The following TANGO6 variants were observed in gnomAD, a reference collection of about 807,000 sequenced individuals.
The protein encoded by TANGO6 is transport and Golgi organization protein 6 homolog.
Under a neutral mutation model 114.2 loss-of-function variants are expected in TANGO6, and 90 were observed. That is an observed-to-expected ratio of 0.79 (90% CI 0.66 to 0.94). The LOEUF (loss-of-function observed/expected upper bound fraction) is 0.94. Ranked by LOEUF, TANGO6 falls within the 40% of genes least tolerant of loss-of-function variation. TANGO6 has a pLI of 0.00. For synonymous variants in TANGO6, 477 were observed against 509.8 expected (o/e 0.94, Z 0.87); for missense variants, 1,274 against 1,315.3 (o/e 0.97, Z 0.49).
At chr16:69,015,244 C>T (rs1454754812) in intron 15 of TANGO6, among the ~76,000 whole-genome samples, 3 of 152,080 alleles carry the variant, frequency 2.0e-5, no homozygotes, top group Non-Finnish European at 2.9e-5. Flanking sequence ...TCTCGGAGAA[C>T]GTGGAGGCAG....
intron 14 of TANGO6, among the ~76,000 whole-genome samples, chr16:68,940,267 G>A (rs1296418925): frequency 6.7e-6 from 1 of 149,634 alleles, no homozygotes; most frequent in Admixed American, 6.8e-5. Flanking sequence ...ACCAAGGCTG[G>A]TCTCAAACTC....
rs535229852 is a variant in TANGO6 at position 69,082,711 on chromosome 16, C to T, written c.3109-774C>T. Among the ~76,000 whole-genome samples the T allele has an allele frequency of 2.0e-5, 3 of 152,092 alleles. No individual in the cohort carries two copies. The South Asian group carries it at 6.2e-4, about 32-fold the overall frequency. On this transcript the variant is annotated intron_variant, in intron 17 of 17. Coordinates refer to ENST00000261778, the MANE Select transcript of TANGO6 (RefSeq NM_024562.2). ...AGTGAGCCGAGATTGTGCAACTGCA[C>T]TCCAGCCTGGCAACAGAGTGAGACT... is the stretch of plus-strand genomic sequence containing the variant.
chr16:69,022,585 TC>T (rs1245155288), intron 15 of TANGO6, among the ~76,000 whole-genome samples: 2 of 151,812 alleles, frequency 1.3e-5, no homozygotes, highest in Admixed American at 6.6e-5. Context: ...GCACCTGTAG[TC>T]CCAACTACTT....
At chr16:69,036,042 CAA>C (rs977745987) in intron 16 of TANGO6, 33 of 56,646 alleles carry the variant, frequency 5.8e-4, no homozygotes, top group East Asian at 5.9e-4. Context: ...GACTCTGCCT[CAA>C]AAAAAAAAAA....
intron 16 of TANGO6, among the ~76,000 whole-genome samples, chr16:69,038,303 G>A (rs1018555050): frequency 3.3e-5 from 5 of 151,946 alleles, no homozygotes; most frequent in Middle Eastern, 3.2e-3. Context: ...GGTGACACGC[G>A]CCTGTAGTCC....
At chr16:69,022,467 G>A (rs186342145) in intron 15 of TANGO6, among the ~76,000 whole-genome samples, 1 of 152,270 alleles carries the variant, frequency 6.6e-6, no homozygotes, top group Non-Finnish European at 1.5e-5. Flanking sequence ...ACTTTGGGAG[G>A]CCAAGGCAGA....
chr16:69,021,524 G>A (rs1400996914), intron 15 of TANGO6, among the ~76,000 whole-genome samples: 13 of 151,960 alleles, frequency 8.6e-5, no homozygotes, highest in Admixed American at 8.5e-4. Flanking sequence ...ATTTACACTA[G>A]AATATAAGCC....
At chr16:69,036,368 T>C (rs1454728867) in intron 16 of TANGO6, among the ~76,000 whole-genome samples, 1 of 152,184 alleles carries the variant, frequency 6.6e-6, no homozygotes, top group African/African-American at 2.4e-5. Flanking sequence ...TTAGATGATA[T>C]CCGTAAGACC....
chr16:69,044,378 G>A (rs552933275), intron 17 of TANGO6, among the ~76,000 whole-genome samples: 2 of 152,246 alleles, frequency 1.3e-5, no homozygotes, highest in East Asian at 1.9e-4. Context: ...ACTCACGCCT[G>A]TAATCCCAGC....
At chr16:69,012,329 G>A (rs1352726026) in intron 15 of TANGO6, among the ~76,000 whole-genome samples, 1 of 152,098 alleles carries the variant, frequency 6.6e-6, no homozygotes, top group Non-Finnish European at 1.5e-5. Flanking sequence ...GGCCGAGGTG[G>A]TCGGATCACC....
intron 14 of TANGO6, among the ~76,000 whole-genome samples, chr16:68,947,050 A>G (rs917759731): frequency 6.6e-6 from 1 of 152,200 alleles, no homozygotes; most frequent in African/African-American, 2.4e-5. Flanking sequence ...AAATAATTTG[A>G]ACCATGTTCT....
chr16:68,849,455 A>G (rs1961866530), intron 1 of TANGO6, among the ~76,000 whole-genome samples: 3 of 152,196 alleles, frequency 2.0e-5, no homozygotes, highest in African/African-American at 4.8e-5. Context: ...TGGGCTACAT[A>G]GTAAAACACT....
chr16:68,932,711 A>G (rs960461359), intron 14 of TANGO6, among the ~76,000 whole-genome samples: 1 of 151,926 alleles, frequency 6.6e-6, no homozygotes, highest in Non-Finnish European at 1.5e-5. Context: ...AATTGCCTGA[A>G]CCCAGGAGGC....
intron 17 of TANGO6, among the ~76,000 whole-genome samples, chr16:69,073,936 G>C (rs1468306150): frequency 6.6e-6 from 1 of 151,916 alleles, no homozygotes; most frequent in East Asian, 1.9e-4. Flanking sequence ...TCCAGCCTGG[G>C]GGGCACAGAG....
chr16:68,971,992 A>G (rs1963710195), intron 14 of TANGO6, among the ~76,000 whole-genome samples: 1 of 152,030 alleles, frequency 6.6e-6, no homozygotes, highest in African/African-American at 2.4e-5. Context: ...ACCTCCAAGG[A>G]CTTCTTCATC....
At chr16:68,939,577 ATTT>A (rs576027928) in intron 14 of TANGO6, among the ~76,000 whole-genome samples, 8,158 of 137,476 alleles carry the variant, frequency 0.059, 292 homozygotes, top group Non-Finnish European at 0.082. Flanking sequence ...ACTAAAAGGA[ATTT>A]TTTTTTTTTT....
intron 14 of TANGO6, among the ~76,000 whole-genome samples, chr16:68,947,341 C>T (rs1963424238): frequency 6.6e-6 from 1 of 151,878 alleles, no homozygotes; most frequent in South Asian, 2.1e-4. Context: ...ACAATCCCAG[C>T]TACTCAGGAG....
chr16:68,942,839 C>G (rs1317688352), intron 14 of TANGO6, among the ~76,000 whole-genome samples: 1 of 151,926 alleles, frequency 6.6e-6, no homozygotes, highest in Non-Finnish European at 1.5e-5. Flanking sequence ...TAGCAAGATA[C>G]TGCAAAAGTC....
At chr16:69,030,071 G>A (rs1024640409) in intron 16 of TANGO6, among the ~76,000 whole-genome samples, 11 of 141,150 alleles carry the variant, frequency 7.8e-5, no homozygotes, top group African/African-American at 1.1e-4. Flanking sequence ...TCATGCCACC[G>A]CACCCCAGCC....
Sources: gnomAD v4.1 joint callset for allele counts (sites outside exome capture counted in the v4.1 genomes callset) on GRCh38, gnomAD v4.1.1 for gene constraint, MANE v1.5 for transcripts, NCBI Gene and HGNC (gene_info 2026-07-23, HGNC 2026-07-21) for gene names.